The following TMEM132D variants were observed in gnomAD, a reference collection of about 807,000 sequenced individuals.
The protein encoded by TMEM132D is mature OL transmembrane protein.
In TMEM132D, 21 loss-of-function variants were observed where a neutral mutation model predicts 62.3. That is an observed-to-expected ratio of 0.34 (90% CI 0.24 to 0.49). The LOEUF is 0.49. TMEM132D is among the 20% of genes least tolerant of loss of function. The pLI, the probability that TMEM132D is intolerant of heterozygous loss-of-function variation, is 0.99. For missense variants in TMEM132D, 1,346 were observed against 1,402.8 expected (o/e 0.96, Z 0.65); for synonymous variants, 621 against 575.6 (o/e 1.08, Z -1.13).
chr12:129,167,146 T>G (rs1877586148), intron 5 of TMEM132D, among the ~76,000 whole-genome samples: 4 of 135,680 alleles, frequency 2.9e-5, no homozygotes, highest in African/African-American at 5.9e-5. Context: ...GGTGATAGAG[T>G]GAGACTCTGT....
intron 4 of TMEM132D, among the ~76,000 whole-genome samples, chr12:129,322,415 T>C (rs572675940): frequency 6.6e-6 from 1 of 152,364 alleles, no homozygotes; most frequent in Admixed American, 6.5e-5. Flanking sequence ...CTCTTGATGG[T>C]AGAGCATTGA....
intron 2 of TMEM132D, among the ~76,000 whole-genome samples, chr12:129,605,139 C>T (rs780489805): frequency 6.6e-5 from 10 of 151,970 alleles, no homozygotes; most frequent in South Asian, 2.1e-4. Flanking sequence ...ATCATTGTTC[C>T]GGTTTCAGAT....
chr12:129,079,475 C>T lies in TMEM132D; in HGVS notation c.1924-750G>A, dbSNP rs544275339. On this transcript the variant is annotated intron_variant, in intron 7 of 8. Coordinates refer to ENST00000422113, the MANE Select transcript of TMEM132D (RefSeq NM_133448.3). ...AACAGGAAATCCTGCTTTTGAGGAA[C>T]GTCTGTGGAATCACTTCTTCCTCCT... Among the ~76,000 whole-genome samples, 7 of 152,304 alleles carry T rather than the reference C, an allele frequency of 4.6e-5. No homozygotes were observed. The South Asian group carries it at 1.0e-3, about 23-fold the overall frequency.
chr12:129,651,622 TTTAAAG>T (rs768668040), intron 2 of TMEM132D, among the ~76,000 whole-genome samples: 8 of 152,176 alleles, frequency 5.3e-5, no homozygotes, highest in Non-Finnish European at 1.0e-4. Context: ...CCATAATCAC[TTTAAAG>T]TTAAACAACT....
intron 3 of TMEM132D, among the ~76,000 whole-genome samples, chr12:129,426,946 C>T (rs1323575620): frequency 6.6e-6 from 1 of 152,220 alleles, no homozygotes; most frequent in Non-Finnish European, 1.5e-5. Context: ...CTTAGAGATA[C>T]ACAGCTAGAG....
intron 4 of TMEM132D, among the ~76,000 whole-genome samples, chr12:129,304,700 C>G (rs762182259): frequency 2.5e-5 from 3 of 121,312 alleles, no homozygotes; most frequent in Non-Finnish European, 4.8e-5. Flanking sequence ...TAGGGTCTTG[C>G]TCTGTCAGGC....
intron 5 of TMEM132D, among the ~76,000 whole-genome samples, chr12:129,151,580 G>T (rs7358784): frequency 5.3e-5 from 8 of 152,314 alleles, no homozygotes; most frequent in African/African-American, 1.9e-4. Flanking sequence ...CACGGCGCGT[G>T]TAATATTATG....
At chr12:129,848,254 A>G (rs1201531413) in intron 1 of TMEM132D, among the ~76,000 whole-genome samples, 1 of 152,194 alleles carries the variant, frequency 6.6e-6, no homozygotes, top group African/African-American at 2.4e-5. Flanking sequence ...ATCGTTTCCT[A>G]ATGGTTCCTT....
At chr12:129,562,467 A>T (rs1337721463) in intron 2 of TMEM132D, among the ~76,000 whole-genome samples, 1 of 152,180 alleles carries the variant, frequency 6.6e-6, no homozygotes, top group Non-Finnish European at 1.5e-5. Flanking sequence ...TCAATCAGGG[A>T]GGTTGTGAAC....
At chr12:129,092,937 T>TAA (rs1424332527) in intron 5 of TMEM132D, among the ~76,000 whole-genome samples, 1 of 152,216 alleles carries the variant, frequency 6.6e-6, no homozygotes. Context: ...TTTAGCTCAT[T>TAA]ATACTAGGCT....
chr12:129,143,565 A>G (rs1486333824), intron 5 of TMEM132D, among the ~76,000 whole-genome samples: 1 of 152,178 alleles, frequency 6.6e-6, no homozygotes, highest in Non-Finnish European at 1.5e-5. Flanking sequence ...CAGCAGAGAG[A>G]TTCTGTTTCC....
intron 5 of TMEM132D, among the ~76,000 whole-genome samples, chr12:129,196,750 T>G (rs1878562168): frequency 6.6e-6 from 1 of 152,158 alleles, no homozygotes; most frequent in Admixed American, 6.5e-5. Context: ...TGTCCAGATT[T>G]GACTATCAAA....
At chr12:129,250,597 T>C (rs965790610) in intron 4 of TMEM132D, among the ~76,000 whole-genome samples, 9 of 152,210 alleles carry the variant, frequency 5.9e-5, no homozygotes, top group African/African-American at 2.2e-4. Context: ...GTCCTTCCTC[T>C]TAGATAGAAC....
intron 5 of TMEM132D, among the ~76,000 whole-genome samples, chr12:129,100,792 G>A (rs1012350929): frequency 6.6e-6 from 1 of 152,154 alleles, no homozygotes; most frequent in African/African-American, 2.4e-5. Context: ...AGACTCCCTT[G>A]GCCAGTAACT....
At chr12:129,536,111 T>C (rs1013850782) in intron 2 of TMEM132D, among the ~76,000 whole-genome samples, 1 of 152,166 alleles carries the variant, frequency 6.6e-6, no homozygotes, top group Non-Finnish European at 1.5e-5. Flanking sequence ...AAATGAAAGA[T>C]TTGTCTACAT....
At chr12:129,482,148 G>A (rs1359669484) in intron 3 of TMEM132D, among the ~76,000 whole-genome samples, 3 of 152,178 alleles carry the variant, frequency 2.0e-5, no homozygotes, top group South Asian at 2.1e-4. Context: ...CCAGACACAC[G>A]GGCATTCCCA....
intron 5 of TMEM132D, among the ~76,000 whole-genome samples, chr12:129,180,029 A>G (rs1878019844): frequency 8.6e-6 from 1 of 115,932 alleles, no homozygotes; most frequent in Non-Finnish European, 1.9e-5. Context: ...CTCCATCTCA[A>G]AAAGAAAATA....
chr12:129,680,612 T>C (rs1880753164), intron 2 of TMEM132D, among the ~76,000 whole-genome samples: 1 of 152,036 alleles, frequency 6.6e-6, no homozygotes, highest in Non-Finnish European at 1.5e-5. Flanking sequence ...GAAAAGAAAA[T>C]ATCTCCTCAA....
chr12:129,098,133 T>A (rs1312962197), intron 5 of TMEM132D, among the ~76,000 whole-genome samples: 3 of 152,220 alleles, frequency 2.0e-5, no homozygotes, highest in African/African-American at 7.2e-5. Flanking sequence ...CTGACGTGAC[T>A]CAAGTTCAAG....
Sources: allele counts gnomAD v4.1 joint callset (sites outside exome capture counted in the v4.1 genomes callset), GRCh38; gene constraint gnomAD v4.1.1; transcripts MANE v1.5; gene names NCBI Gene and HGNC (gene_info 2026-07-23, HGNC 2026-07-21).